Variants in NCKAP5 observed in about 807,000 individuals in gnomAD.
NCKAP5 encodes nck-associated protein 5.
NCKAP5 carries 92 observed loss-of-function variants against 167.0 expected under a neutral mutation model. That is an observed-to-expected ratio of 0.55 (90% CI 0.47 to 0.66). NCKAP5 has a LOEUF of 0.66. NCKAP5 is among the 30% of genes least tolerant of loss of function. The pLI is 0.00. For synonymous variants in NCKAP5, 891 were observed against 877.4 expected (o/e 1.02, Z -0.27); for missense variants, 2,378 against 2,315.0 (o/e 1.03, Z -0.56).
chr2:133,574,727 G>A, the NCKAP5 span, among the ~76,000 whole-genome samples: 2 of 150,122 alleles, frequency 1.3e-5, no homozygotes, highest in African/African-American at 2.5e-5. Flanking sequence ...TGGCAAATAT[G>A]CTTCAAGGGC....
chr2:132,893,898 A>C (rs1692925484), intron 8 of NCKAP5, among the ~76,000 whole-genome samples: 1 of 152,160 alleles, frequency 6.6e-6, no homozygotes, highest in Non-Finnish European at 1.5e-5. Context: ...ACACACATAC[A>C]CACAAATGTA....
chr2:133,219,680 T>C (rs2086576784), intron 4 of NCKAP5, among the ~76,000 whole-genome samples: 1 of 152,262 alleles, frequency 6.6e-6, no homozygotes, highest in East Asian at 1.9e-4. Flanking sequence ...TCCTTGTGTG[T>C]ACATTTTACA....
intron 7 of NCKAP5, among the ~76,000 whole-genome samples, chr2:132,972,162 T>G (rs1054604818): frequency 6.6e-6 from 1 of 152,214 alleles, no homozygotes; most frequent in African/African-American, 2.4e-5. Context: ...CATTTACCTA[T>G]AGCTTGCTAA....
intron 3 of NCKAP5, among the ~76,000 whole-genome samples, chr2:133,471,477 C>A (rs1679304062): frequency 6.6e-6 from 1 of 152,096 alleles, no homozygotes; most frequent in South Asian, 2.1e-4. Flanking sequence ...TTGCAAGGAA[C>A]CTAGTGCTAG....
chr2:133,482,806 T>C (rs572693477), intron 3 of NCKAP5, among the ~76,000 whole-genome samples: 135 of 152,110 alleles, frequency 8.9e-4, no homozygotes, highest in Non-Finnish European at 1.7e-3. Context: ...CCAACATCTG[T>C]TATTTTTTTT....
chr2:132,856,425 C>T (rs1020658053), intron 11 of NCKAP5, among the ~76,000 whole-genome samples: 7 of 152,144 alleles, frequency 4.6e-5, no homozygotes, highest in Admixed American at 2.6e-4. Flanking sequence ...AAAAAGTCCG[C>T]ATTCTAAGAA....
At chr2:132,903,281 T>C (rs758691280) in intron 8 of NCKAP5, among the ~76,000 whole-genome samples, 4 of 152,360 alleles carry the variant, frequency 2.6e-5, no homozygotes, top group Non-Finnish European at 2.9e-5. Context: ...AATAGCCTTG[T>C]TTGGCTAAAT....
intron 2 of NCKAP5, among the ~76,000 whole-genome samples, chr2:133,521,710 C>T (rs1197505536): frequency 3.3e-5 from 5 of 152,224 alleles, no homozygotes; most frequent in African/African-American, 7.2e-5. Context: ...TAGAGCCCCA[C>T]ACTTATGACC....
At chr2:133,093,751 C>T (rs1246606349) in intron 6 of NCKAP5, among the ~76,000 whole-genome samples, 2 of 152,160 alleles carry the variant, frequency 1.3e-5, no homozygotes, top group Admixed American at 6.6e-5. Flanking sequence ...AGTTCCCATT[C>T]ATTTACTATT....
chr2:133,217,267 G>A (rs186381446), intron 4 of NCKAP5, among the ~76,000 whole-genome samples: 230 of 152,078 alleles, frequency 1.5e-3, no homozygotes, highest in Non-Finnish European at 2.2e-3. Flanking sequence ...TATCATAAAA[G>A]CACAGGTTGC....
At chr2:133,437,347 T>C (rs1487968084) in intron 3 of NCKAP5, among the ~76,000 whole-genome samples, 1 of 150,578 alleles carries the variant, frequency 6.6e-6, no homozygotes, top group Non-Finnish European at 1.5e-5. Context: ...TGCGAGACTC[T>C]GTCTCAAAAA....
chr2:132,972,280 T>C (rs1365828469), intron 7 of NCKAP5, among the ~76,000 whole-genome samples: 2 of 152,196 alleles, frequency 1.3e-5, no homozygotes, highest in East Asian at 3.9e-4. Flanking sequence ...CACTATCTTA[T>C]GATTGTTCCT....
intron 7 of NCKAP5, among the ~76,000 whole-genome samples, chr2:132,989,856 T>C (rs1356992534): frequency 6.6e-6 from 1 of 152,142 alleles, no homozygotes; most frequent in African/African-American, 2.4e-5. Flanking sequence ...TCCCTGAAGA[T>C]TTGAGACCTC....
intron 6 of NCKAP5, among the ~76,000 whole-genome samples, chr2:133,112,306 C>G (rs542274912): frequency 2.6e-5 from 4 of 152,186 alleles, no homozygotes; most frequent in South Asian, 4.2e-4. Flanking sequence ...AACCCCGTCT[C>G]TACTAAAAAT....
chr2:133,148,256 T>C (rs1315902086), intron 5 of NCKAP5, among the ~76,000 whole-genome samples: 4 of 152,098 alleles, frequency 2.6e-5, no homozygotes, highest in Non-Finnish European at 5.9e-5. Context: ...ATATCAACTT[T>C]TATTGGCTGA....
intron 6 of NCKAP5, among the ~76,000 whole-genome samples, chr2:133,114,852 T>C (rs2082023041): frequency 6.6e-6 from 1 of 152,140 alleles, no homozygotes; most frequent in African/African-American, 2.4e-5. Flanking sequence ...AGTTGCTTCA[T>C]AGATAGTTTT....
At chr2:133,331,505 C>G (rs1682853335) in intron 3 of NCKAP5, among the ~76,000 whole-genome samples, 1 of 152,176 alleles carries the variant, frequency 6.6e-6, no homozygotes, top group South Asian at 2.1e-4. Flanking sequence ...TCCCGTTGTT[C>G]CCGTTATGAC....
intron 6 of NCKAP5, among the ~76,000 whole-genome samples, chr2:133,009,503 C>T (rs1188612069): frequency 2.6e-5 from 4 of 152,082 alleles, no homozygotes; most frequent in African/African-American, 9.7e-5. Flanking sequence ...ACTTCCAATG[C>T]TGGAAAGCTT....
At chr2:133,415,446 G>A (rs776750133) in intron 3 of NCKAP5, among the ~76,000 whole-genome samples, 4 of 152,212 alleles carry the variant, frequency 2.6e-5, no homozygotes, top group African/African-American at 4.8e-5. Flanking sequence ...ATCTGGTGAC[G>A]CCATGAGTCC....
Sources: allele counts gnomAD v4.1 joint callset (sites outside exome capture counted in the v4.1 genomes callset), GRCh38; gene constraint gnomAD v4.1.1; transcripts MANE v1.5; gene names NCBI Gene and HGNC (gene_info 2026-07-23, HGNC 2026-07-21).